The following FYN variants were observed in gnomAD, a reference collection of about 807,000 sequenced individuals.
FYN encodes FYN proto-oncogene, Src family tyrosine kinase, also known as tyrosine-protein kinase Fyn.
Under a neutral mutation model 70.2 loss-of-function variants are expected in FYN, and 10 were observed. The ratio of observed to expected loss-of-function variants is 0.14; its 90% CI spans 0.09 to 0.24. FYN has a LOEUF of 0.24. FYN is among the 10% of genes least tolerant of loss of function. The pLI is 1.00. For missense variants in FYN, 319 were observed against 673.1 expected (o/e 0.47, Z 5.82); for synonymous variants, 236 against 248.6 (o/e 0.95, Z 0.48).
intron 3 of FYN, among the ~76,000 whole-genome samples, chr6:111,764,053 G>T (rs187651564): frequency 4.6e-5 from 7 of 152,074 alleles, no homozygotes; most frequent in Non-Finnish European, 2.9e-5. Flanking sequence ...CCAGCTATAG[G>T]TGAAGCAAGA....
chr6:111,758,419 TA>T (rs1231081582), intron 3 of FYN, among the ~76,000 whole-genome samples: 2 of 152,238 alleles, frequency 1.3e-5, no homozygotes, highest in East Asian at 3.8e-4. Flanking sequence ...TCTGTATCTT[TA>T]AGTACTTTAC....
At chr6:111,678,757 TC>T (rs1429677325) in intron 12 of FYN, among the ~76,000 whole-genome samples, 4 of 152,190 alleles carry the variant, frequency 2.6e-5, no homozygotes, top group African/African-American at 9.7e-5. Flanking sequence ...GACAACAGAA[TC>T]CTGAGAATCA....
At chr6:111,773,478 AGAGGG>A (rs1328248954) in intron 3 of FYN, among the ~76,000 whole-genome samples, 7 of 76,744 alleles carry the variant, frequency 9.1e-5, no homozygotes, top group African/African-American at 3.7e-4. Context: ...AGGGAAAACG[AGAGGG>A]AGAGGGAGAG....
intron 3 of FYN, among the ~76,000 whole-genome samples, chr6:111,728,101 G>C (rs79451915): frequency 0.011 from 1,708 of 152,208 alleles, 23 homozygotes; most frequent in African/African-American, 0.037. Context: ...CCATGGAAAG[G>C]CTCCAAGAAA....
At chr6:111,797,899 A>G (rs1032507697) in intron 2 of FYN, among the ~76,000 whole-genome samples, 1 of 151,686 alleles carries the variant, frequency 6.6e-6, no homozygotes, top group Non-Finnish European at 1.5e-5. Context: ...AGTAGCTGGG[A>G]CTACAGGCAT....
chr6:111,725,171 A>C (rs186671159), intron 3 of FYN, among the ~76,000 whole-genome samples: 110 of 152,286 alleles, frequency 7.2e-4, no homozygotes, highest in Admixed American at 2.2e-3. Flanking sequence ...ACCCATAAGA[A>C]TCTACTTGGG....
chr6:111,777,693 T>C (rs7758816), intron 3 of FYN, among the ~76,000 whole-genome samples: 89,758 of 152,092 alleles, frequency 0.59, 27,822 homozygotes, highest in East Asian at 0.86. Flanking sequence ...TTATATATCA[T>C]TCCTTGGCAT....
rs558785700 is a variant in FYN, at chr6:111,773,528, GGGGAGA to G, written c.-12+7032_-12+7037del. 6.1e-4 allele frequency among the ~76,000 whole-genome samples: 24 copies of G among 39,464 alleles called. No individual in the cohort carries two copies. The South Asian group carries it at 0.023, about 38-fold the overall frequency. 25.9% of individuals were successfully genotyped at this position (39,464 alleles called of 152,430 possible). A position where few individuals can be genotyped will look rare whatever the true frequency, so the allele number is the denominator to read the frequency against. On this transcript the variant is annotated intron_variant, in intron 3 of 13. Transcript: ENST00000354650. ...GGGAGGGAGAGCGGGTGAGAGAGAG[GGGGAGA>G]GGGAGAGGGAGAGGGAGACGCAGAG...
intron 1 of FYN, among the ~76,000 whole-genome samples, chr6:111,848,335 T>C (rs929151628): frequency 6.6e-6 from 1 of 152,238 alleles, no homozygotes; most frequent in African/African-American, 2.4e-5. Context: ...AATACCCTTC[T>C]TTCAAGCATA....
chr6:111,815,489 TA>T (rs555002792), intron 2 of FYN, among the ~76,000 whole-genome samples: 1 of 152,092 alleles, frequency 6.6e-6, no homozygotes, highest in East Asian at 1.9e-4. Flanking sequence ...TAAACCAGCA[TA>T]AAAAAAATCT....
At chr6:111,663,915 G>A (rs1234961331) in intron 13 of FYN, among the ~76,000 whole-genome samples, 2 of 152,140 alleles carry the variant, frequency 1.3e-5, no homozygotes, top group African/African-American at 4.8e-5. Flanking sequence ...CTAGATAAAC[G>A]CGGACAGAGG....
intron 1 of FYN, among the ~76,000 whole-genome samples, chr6:111,847,828 A>G (rs937223359): frequency 6.6e-6 from 1 of 152,226 alleles, no homozygotes; most frequent in African/African-American, 2.4e-5. Flanking sequence ...TGGGCATTCA[A>G]ATCATGAACT....
intron 1 of FYN, among the ~76,000 whole-genome samples, chr6:111,864,337 C>T (rs772417422): frequency 7.9e-5 from 12 of 152,182 alleles, no homozygotes; most frequent in South Asian, 2.1e-4. Context: ...TACTCTGTGA[C>T]GCTGACTAAA....
chr6:111,672,000 T>C (rs1230265469), intron 13 of FYN, among the ~76,000 whole-genome samples: 1 of 152,110 alleles, frequency 6.6e-6, no homozygotes, highest in Non-Finnish European at 1.5e-5. Flanking sequence ...CAATTTTTTG[T>C]GGCTTTCTTT....
chr6:111,820,988 G>A (rs1312150407), intron 2 of FYN, among the ~76,000 whole-genome samples: 2 of 152,150 alleles, frequency 1.3e-5, no homozygotes, highest in African/African-American at 4.8e-5. Flanking sequence ...TTAACTCTGA[G>A]AAGCAGAGTG....
chr6:111,700,840 A>G (rs1301563266), intron 8 of FYN, among the ~76,000 whole-genome samples: 1 of 152,184 alleles, frequency 6.6e-6, no homozygotes, highest in African/African-American at 2.4e-5. Context: ...TAGGACATTA[A>G]ACTGTTATAA....
chr6:111,718,199 T>C (rs1800760426), intron 4 of FYN, among the ~76,000 whole-genome samples: 1 of 152,312 alleles, frequency 6.6e-6, no homozygotes, highest in South Asian at 2.1e-4. Flanking sequence ...GCTTTTATGT[T>C]CCATGTTCCA....
At chr6:111,774,568 A>T (rs537875503) in intron 3 of FYN, among the ~76,000 whole-genome samples, 90 of 144,008 alleles carry the variant, frequency 6.2e-4, no homozygotes, top group African/African-American at 2.2e-3. Context: ...ACCCCTCCCC[A>T]TCCCCCCCAC....
At chr6:111,851,540 T>G (rs1200892206) in intron 1 of FYN, among the ~76,000 whole-genome samples, 1 of 152,156 alleles carries the variant, frequency 6.6e-6, no homozygotes, top group Non-Finnish European at 1.5e-5. Flanking sequence ...ACGGTCTGTT[T>G]CAGTTAGTAT....
Sources: gnomAD v4.1 joint callset for allele counts (sites outside exome capture counted in the v4.1 genomes callset) on GRCh38, gnomAD v4.1.1 for gene constraint, MANE v1.5 for transcripts, NCBI Gene and HGNC (gene_info 2026-07-23, HGNC 2026-07-21) for gene names.